INTS4: variants seen among roughly 807,000 people sequenced by gnomAD.
INTS4 encodes the protein integrator complex subunit 4.
Under a neutral mutation model 119.5 loss-of-function variants are expected in INTS4, and 70 were observed. The ratio of observed to expected loss-of-function variants is 0.59; its 90% CI spans 0.48 to 0.71. INTS4 has a LOEUF of 0.71. Ranked by LOEUF, INTS4 falls within the 30% of genes least tolerant of loss-of-function variation. The pLI is 0.00. For synonymous variants in INTS4, 316 were observed against 419.6 expected (o/e 0.75, Z 3.02); for missense variants, 867 against 1,173.2 (o/e 0.74, Z 3.81).
intron 4 of INTS4, among the ~76,000 whole-genome samples, chr11:77,970,688 G>A (rs917044532): frequency 6.6e-6 from 1 of 151,962 alleles, no homozygotes; most frequent in East Asian, 2.0e-4. Flanking sequence ...AGTTAGCCAG[G>A]CATGGTGGCA....
intron 22 of INTS4, among the ~76,000 whole-genome samples, chr11:77,880,788 C>A (rs1378572778): frequency 6.6e-6 from 1 of 152,006 alleles, no homozygotes; most frequent in Non-Finnish European, 1.5e-5. Context: ...TGAGACCTGT[C>A]TCTACAAAAA....
At chr11:77,937,612 C>T (rs946805300) in intron 10 of INTS4, among the ~76,000 whole-genome samples, 19 of 152,052 alleles carry the variant, frequency 1.2e-4, no homozygotes, top group Non-Finnish European at 2.2e-4. Flanking sequence ...GGCATGGTGA[C>T]ACGTGCTTCT....
At chr11:77,923,833 C>T (rs1182935904) in intron 12 of INTS4, among the ~76,000 whole-genome samples, 2 of 149,534 alleles carry the variant, frequency 1.3e-5, no homozygotes, top group African/African-American at 2.5e-5. Context: ...GGCACAATCT[C>T]GGCTCACTGC....
At chr11:77,897,741 G>A (rs1304865795) in intron 18 of INTS4, among the ~76,000 whole-genome samples, 17 of 151,764 alleles carry the variant, frequency 1.1e-4, no homozygotes, top group Admixed American at 8.5e-4. Context: ...TCCTGACCTC[G>A]TGATCCACCC....
intron 22 of INTS4, among the ~76,000 whole-genome samples, chr11:77,880,301 C>T (rs149181124): frequency 6.6e-6 from 1 of 152,284 alleles, no homozygotes; most frequent in Non-Finnish European, 1.5e-5. Context: ...AAGCTTCTCT[C>T]TATGGGTCAG....
At chr11:77,977,732 G>C (rs986559524) in intron 4 of INTS4, among the ~76,000 whole-genome samples, 5 of 151,126 alleles carry the variant, frequency 3.3e-5, no homozygotes, top group Admixed American at 1.3e-4. Flanking sequence ...ATTTAAAGCA[G>C]ATTTAAGAAA....
intron 4 of INTS4, among the ~76,000 whole-genome samples, 198 bp from the exon 5 acceptor site, chr11:77,961,336 T>C (rs1180256312): frequency 3.9e-5 from 6 of 151,980 alleles, no homozygotes; most frequent in Non-Finnish European, 7.4e-5. Flanking sequence ...AATGAGTCCT[T>C]AGAAAATAAA....
At chr11:77,878,404 T>C (rs1463110369), downstream of INTS4, among the ~76,000 whole-genome samples, 1 of 151,942 alleles carries the variant, frequency 6.6e-6, no homozygotes, top group African/African-American at 2.4e-5. Context: ...AATGATTCAT[T>C]CTCCAGCTAT....
rs763345688 is a variant in INTS4 at position 77,979,019 on chromosome 11, G to C, written c.448C>G (p.Arg150Gly). 60 of 1,609,918 alleles carry C rather than the reference G, an allele frequency of 3.7e-5. No individual in the cohort carries two copies. The highest frequency in any genetic ancestry group is 4.9e-5 in the Non-Finnish European group (58 of 1,176,644). Residue 150 changes from arginine (R) to glycine (G), a missense_variant, in exon 4 of 23, where the codon CGA becomes GGA. Arg to Gly is a moderately radical substitution (Grantham distance 125, BLOSUM62 -2). Coordinates refer to ENST00000534064, the MANE Select transcript of INTS4 (RefSeq NM_033547.4). ...KLPENQAIQM[R>G]LVDVACKHLT... ...ACCTTGCAGGCCACATCAACTAATC[G>C]CATTTGGATAGCTTGATTCTCTGGT... is the stretch of plus-strand genomic sequence containing the variant.
At chr11:77,961,956 C>T (rs954971975) in intron 4 of INTS4, among the ~76,000 whole-genome samples, 1 of 152,190 alleles carries the variant, frequency 6.6e-6, no homozygotes, top group African/African-American at 2.4e-5. Flanking sequence ...TACATGTTCA[C>T]ATTTTTGTTG....
chr11:77,937,576 T>G (rs1461448843), intron 10 of INTS4, among the ~76,000 whole-genome samples: 1 of 152,064 alleles, frequency 6.6e-6, no homozygotes, highest in African/African-American at 2.4e-5. Context: ...AGGCCCTGTC[T>G]CTACAAAAAA....
chr11:77,991,451 G>C (rs1405846691), intron 1 of INTS4, 152 bp from the exon 2 acceptor site: 9 of 650,812 alleles, frequency 1.4e-5, no homozygotes, highest in Non-Finnish European at 2.3e-5. Context: ...TACCGGGTTG[G>C]TGACAAGGCC....
chr11:77,877,736 T>C (rs922114641), downstream of INTS4, among the ~76,000 whole-genome samples: 2 of 151,242 alleles, frequency 1.3e-5, no homozygotes, highest in Non-Finnish European at 2.9e-5. Context: ...CTGACTGTTA[T>C]ATCACACTTG....
chr11:77,929,645 A>G (rs1330971609), intron 10 of INTS4, among the ~76,000 whole-genome samples: 1 of 152,170 alleles, frequency 6.6e-6, no homozygotes, highest in Non-Finnish European at 1.5e-5. Flanking sequence ...AGGTCTGTTG[A>G]TTGTAGGCTA....
intron 13 of INTS4, 38 bp downstream of exon 13, chr11:77,922,318 G>A (rs1245507380): frequency 6.5e-7 from 1 of 1,535,606 alleles, no homozygotes; most frequent in Non-Finnish European, 8.8e-7. Flanking sequence ...AAAGCTGCCT[G>A]CCAACACATC....
At position 77,955,981 on chromosome 11, in the gene INTS4, A is replaced by G; in HGVS notation, c.879T>C (p.Asp293=). The change falls in exon 8 of 23, where the codon GAT becomes GAC. Residue 293 remains aspartate, a synonymous_variant. Transcript: ENST00000534064. ...AFGKICHMVS[D]GSWVVRVQAA... is the part of the protein sequence containing the mutation. ...CCTGAACACGAACCACCCAAGAGCC[A>G]TCACTGACCATGTGACAAATTTTGC... 2 of 1,611,548 alleles carry G rather than the reference A, an allele frequency of 1.2e-6. No individual in the cohort carries two copies. The highest frequency in any genetic ancestry group is 1.7e-6 in the Non-Finnish European group (2 of 1,179,732).
intron 4 of INTS4, among the ~76,000 whole-genome samples, chr11:77,976,334 G>A (rs189931768): frequency 2.9e-4 from 44 of 152,124 alleles, no homozygotes; most frequent in African/African-American, 9.2e-4. Context: ...ACGTAATCTC[G>A]GGCAACATAG....
In INTS4 at chr11:77,941,139, G is replaced by A; in HGVS notation, c.990+41C>T. 1.9e-6 allele frequency: 3 copies of A among 1,604,150 alleles called. No homozygotes were observed. The African/African-American group carries it at 4.0e-5, about 22-fold the overall frequency. ...CTCAGCATACTGCCCCACTACATTG[G>A]TTACAGAAACCCACTTTAAACAACA... On this transcript the variant is annotated intron_variant, in intron 9 of 22. Transcript: ENST00000534064.
rs1591106004 is a variant in INTS4 at position 77,956,763 on chromosome 11, A to G, written c.798-701T>C. 2.1e-5 allele frequency among the ~76,000 whole-genome samples: 3 copies of G among 145,174 alleles called. No individual in the cohort carries two copies. The South Asian group carries it at 6.6e-4, about 32-fold the overall frequency. The stretch of plus-strand genomic sequence containing the variant: ...AATAATAATAATAATAATAATAAAC[A>G]AATAAATACATAAGTAAGTAAGGCT... On this transcript the variant is annotated intron_variant, in intron 7 of 22. Coordinates refer to ENST00000534064, the MANE Select transcript of INTS4 (RefSeq NM_033547.4).
Sources: allele counts gnomAD v4.1 joint callset (sites outside exome capture counted in the v4.1 genomes callset), GRCh38; gene constraint gnomAD v4.1.1; transcripts MANE v1.5; gene names NCBI Gene and HGNC (gene_info 2026-07-23, HGNC 2026-07-21).